Variants in RNF115 observed in about 807,000 individuals in gnomAD.
The protein encoded by RNF115 is E3 ubiquitin-protein ligase RNF115.
RNF115 carries 31 observed loss-of-function variants against 39.2 expected under a neutral mutation model. The observed-to-expected ratio is 0.79, with a 90% CI of 0.59 to 1.07. The LOEUF is 1.07. RNF115 is among the 50% of genes least tolerant of loss of function. RNF115 has a pLI of 0.00. For missense variants in RNF115, 384 were observed against 381.7 expected (o/e 1.01, Z -0.05); for synonymous variants, 124 against 131.0 (o/e 0.95, Z 0.37).
chr1:145,749,799 CT>C (rs1658010795), intron 7 of RNF115, among the ~76,000 whole-genome samples: 1 of 152,162 alleles, frequency 6.6e-6, no homozygotes, highest in Non-Finnish European at 1.5e-5. Context: ...TTAGTTCATA[CT>C]TTTCCTTAAA....
intron 1 of RNF115, among the ~76,000 whole-genome samples, chr1:145,818,072 T>C (rs1192226714): frequency 6.6e-6 from 1 of 151,252 alleles, no homozygotes; most frequent in Non-Finnish European, 1.5e-5. Flanking sequence ...TACAAGTGCA[T>C]GTGTCTTTTT....
rs370045638 is a variant in RNF115 at position 145,751,517 on chromosome 1, G to A, written c.501-7C>T. 7.6e-6 allele frequency: 12 copies of A among 1,589,050 alleles called. No individual in the cohort carries two copies. In the African/African-American group the frequency reaches 1.2e-4, roughly 16 times the overall value. ...GGAGTGCAGCATCCCGCTCCTATAC[G>A]TGAGATGAGATAGACAGCATTAGAT... On this transcript the variant is annotated splice_region_variant and splice_polypyrimidine_tract_variant and intron_variant, in intron 5 of 8. Coordinates refer to ENST00000582693, the MANE Select transcript of RNF115 (RefSeq NM_014455.4).
intron 4 of RNF115, among the ~76,000 whole-genome samples, chr1:145,753,300 T>C (rs960944329): frequency 6.6e-6 from 1 of 152,204 alleles, no homozygotes; most frequent in Admixed American, 6.5e-5. Flanking sequence ...AGGGATCTGA[T>C]GGTATGGTAT....
intron 4 of RNF115, among the ~76,000 whole-genome samples, chr1:145,767,843 C>T (rs1429756935): frequency 6.6e-6 from 1 of 152,230 alleles, no homozygotes; most frequent in Non-Finnish European, 1.5e-5. Flanking sequence ...CGTGGCGGCG[C>T]GCGCCCGCAA....
intron 1 of RNF115, among the ~76,000 whole-genome samples, chr1:145,816,959 A>G (rs868925334): frequency 0.014 from 1,105 of 80,030 alleles, 1 homozygote; most frequent in African/African-American, 0.04. Flanking sequence ...TTGTTGAGAC[A>G]GGGTCTTGCT....
chr1:145,801,315 T>C (rs1396335853), intron 1 of RNF115, among the ~76,000 whole-genome samples: 6 of 152,224 alleles, frequency 3.9e-5, no homozygotes, highest in Non-Finnish European at 8.8e-5. Flanking sequence ...CAGCCTATAA[T>C]CTCAGCACTT....
rs1647367901 is a variant in RNF115, at chr1:145,767,243, C to T, written c.428+4468G>A. Among the ~76,000 whole-genome samples the T allele has an allele frequency of 2.0e-5, 3 of 149,142 alleles. No individual in the cohort carries two copies. In the South Asian group the frequency reaches 6.4e-4, roughly 32 times the overall value. Reference sequence around the variant, plus strand: ...GGGTGGCTGCCGGGCGGAGGGGCTCCTCACTTCTCAGACGGTGTGGCTGCC... The same window carrying T: ...GGGTGGCTGCCGGGCGGAGGGGCTCTTCACTTCTCAGACGGTGTGGCTGCC... On this transcript the variant is annotated intron_variant, in intron 4 of 8. Transcript: ENST00000582693.
At chr1:145,790,812 G>T (rs587690708) in intron 1 of RNF115, among the ~76,000 whole-genome samples, 2 of 151,930 alleles carry the variant, frequency 1.3e-5, no homozygotes, top group Non-Finnish European at 2.9e-5. Context: ...ACATATCAAC[G>T]CAGTAAAACA....
At chr1:145,810,857 TTTTA>T (rs1375175753) in intron 1 of RNF115, among the ~76,000 whole-genome samples, 1,709 of 146,392 alleles carry the variant, frequency 0.012, 21 homozygotes, top group African/African-American at 0.044. Context: ...TTCTGCATAA[TTTTA>T]TTTATTTATT....
intron 1 of RNF115, among the ~76,000 whole-genome samples, chr1:145,792,716 T>C (rs1571760989): frequency 6.6e-6 from 1 of 152,042 alleles, no homozygotes. Flanking sequence ...TCTAGGACCA[T>C]GATGATAGAA....
intron 4 of RNF115, among the ~76,000 whole-genome samples, chr1:145,764,184 G>A (rs1356086360): frequency 1.3e-5 from 2 of 152,204 alleles, no homozygotes; most frequent in Non-Finnish European, 2.9e-5. Context: ...CCGAGGTGCC[G>A]GGATTGCAGA....
chr1:145,786,679 T>G lies in RNF115; in HGVS notation c.162-2083A>C, dbSNP rs587618330. 5.3e-5 allele frequency among the ~76,000 whole-genome samples: 8 copies of G among 152,330 alleles called. No individual in the cohort carries two copies. The South Asian group carries it at 1.4e-3, about 28-fold the overall frequency. On this transcript the variant is annotated intron_variant, in intron 2 of 8. Transcript: ENST00000582693. Reference sequence around the variant, plus strand: ...GAAACCAGGGTTACTACTTGAAAAGTTGGCAAAAGATAAGCCCATTAATTG... The same window carrying G: ...GAAACCAGGGTTACTACTTGAAAAGGTGGCAAAAGATAAGCCCATTAATTG...
intron 1 of RNF115, among the ~76,000 whole-genome samples, chr1:145,816,658 T>G (rs1159549522): frequency 1.4e-5 from 2 of 143,514 alleles, no homozygotes; most frequent in African/African-American, 4.9e-5. Flanking sequence ...CATTAAAAGC[T>G]GATGTAAACT....
intron 4 of RNF115, among the ~76,000 whole-genome samples, chr1:145,759,498 TGTCA>T (rs1559106940): frequency 1.3e-5 from 2 of 152,216 alleles, no homozygotes; most frequent in African/African-American, 4.8e-5. Flanking sequence ...ACATCCAATC[TGTCA>T]GTAACTCCTA....
At chr1:145,766,960 C>T (rs587730994) in intron 4 of RNF115, among the ~76,000 whole-genome samples, 212 of 133,322 alleles carry the variant, frequency 1.6e-3, no homozygotes, top group African/African-American at 6.3e-3. Flanking sequence ...CCCCACCTCC[C>T]TCCCGGTCGG....
intron 1 of RNF115, among the ~76,000 whole-genome samples, chr1:145,800,501 C>G (rs888465301): frequency 7.9e-5 from 12 of 152,098 alleles, no homozygotes; most frequent in Non-Finnish European, 1.5e-5. Flanking sequence ...TTAATAGATA[C>G]AATACTATGC....
intron 4 of RNF115, among the ~76,000 whole-genome samples, chr1:145,762,090 C>G (rs1480872567): frequency 6.6e-6 from 1 of 152,214 alleles, no homozygotes; most frequent in African/African-American, 2.4e-5. Context: ...TTACGAAATA[C>G]CTGTACCTCC....
intron 4 of RNF115, among the ~76,000 whole-genome samples, chr1:145,757,962 C>T (rs1273354698): frequency 6.6e-6 from 1 of 152,144 alleles, no homozygotes; most frequent in Admixed American, 6.5e-5. Context: ...AAGAAGGAGA[C>T]TTTTTTGATA....
chr1:145,821,739 A>T (rs1650253176), intron 1 of RNF115, among the ~76,000 whole-genome samples: 2 of 104,398 alleles, frequency 1.9e-5, no homozygotes, highest in African/African-American at 6.6e-5. Context: ...AAGTATTGGG[A>T]TTACAGGCCT....
Sources: gnomAD v4.1 joint callset for allele counts (sites outside exome capture counted in the v4.1 genomes callset) on GRCh38, gnomAD v4.1.1 for gene constraint, MANE v1.5 for transcripts, NCBI Gene and HGNC (gene_info 2026-07-23, HGNC 2026-07-21) for gene names.